GNAS-AS1: variants seen among roughly 807,000 people sequenced by gnomAD.
GNAS-AS1 encodes the protein GNAS antisense RNA 1 (non-protein coding).
At chr20:58,831,306 G>A (rs545503502) in intron 4 of GNAS-AS1, among the ~76,000 whole-genome samples, 3 of 152,004 alleles carry the variant, frequency 2.0e-5, no homozygotes, top group South Asian at 4.2e-4. Context: ...CACTCACATC[G>A]GGTTGCCAGC....
At chr20:58,847,114 A>G (rs1016403890) in intron 2 of GNAS-AS1, among the ~76,000 whole-genome samples, 1 of 152,230 alleles carries the variant, frequency 6.6e-6, no homozygotes, top group African/African-American at 2.4e-5. Context: ...CTTGGCTGAA[A>G]CAGAATTTGG....
intron 4 of GNAS-AS1, among the ~76,000 whole-genome samples, chr20:58,836,077 G>T (rs1314478557): frequency 6.6e-6 from 1 of 152,128 alleles, no homozygotes; most frequent in African/African-American, 2.4e-5. Context: ...GGGCGGGGGG[G>T]AGGATCGTGT....
intron 4 of GNAS-AS1, among the ~76,000 whole-genome samples, chr20:58,837,236 G>A (rs143322885): frequency 7.0e-4 from 107 of 152,282 alleles, no homozygotes; most frequent in African/African-American, 2.5e-3. Flanking sequence ...TGTCGATGGA[G>A]CTGTGCTAAT....
chr20:58,841,577 C>T lies in GNAS-AS1; in HGVS notation n.819+360G>A. ...GCCACAGCCCGCCTCCCGTCGCTCG[C>T]GGGACAGAGACCGCCTCAAAGAGCG... On this transcript the variant is annotated intron_variant and non_coding_transcript_variant, in intron 4 of 4. Coordinates refer to ENST00000424094, the Ensembl canonical transcript of GNAS-AS1. This position sits in a 1 kb window ranked among gnomAD's most constrained non-coding sequence, Gnocchi z 5.0. The T allele has an allele frequency of 9.9e-7, 1 of 1,006,784 alleles. No individual in the cohort carries two copies. The highest frequency in any genetic ancestry group is 1.2e-6 in the Non-Finnish European group (1 of 844,594). The allele number at this position is 1,006,784 out of a possible 1,614,324, so 62.4% of individuals were successfully genotyped here.
At chr20:58,845,578 A>G (rs1052699967) in intron 2 of GNAS-AS1, among the ~76,000 whole-genome samples, 27 of 152,158 alleles carry the variant, frequency 1.8e-4, no homozygotes, top group African/African-American at 5.8e-4. Flanking sequence ...TAAGTGATGT[A>G]GCACCCATTT....
At chr20:58,846,388 A>G (rs1033132271) in intron 2 of GNAS-AS1, among the ~76,000 whole-genome samples, 8 of 152,220 alleles carry the variant, frequency 5.3e-5, no homozygotes, top group African/African-American at 9.6e-5. Context: ...AGGGCTACCA[A>G]TGAGGCTCAC....
intron 4 of GNAS-AS1, among the ~76,000 whole-genome samples, chr20:58,824,627 A>G (rs190123485): frequency 6.6e-6 from 1 of 152,340 alleles, no homozygotes; most frequent in Non-Finnish European, 1.5e-5. Flanking sequence ...GACCCTATGC[A>G]GCCCAACCCG....
chr20:58,848,846 AT>A, intron 2 of GNAS-AS1: 2 of 398,552 alleles, frequency 5.0e-6, no homozygotes, highest in Non-Finnish European at 8.8e-6. Context: ...CCCTGACCCC[AT>A]TACTGATGTT....
chr20:58,840,831 T>A lies in GNAS-AS1; in HGVS notation n.819+1106A>T. On this transcript the variant is annotated intron_variant and non_coding_transcript_variant, in intron 4 of 4. Transcript: ENST00000424094. This position sits in a 1 kb window ranked among gnomAD's most constrained non-coding sequence, Gnocchi z 6.0. ...CCTTCCAAAAAGGGACCCATCCCCA[T>A]CCGGCGTCACTAATGGAGGACGCCG... 6.2e-7 allele frequency: 1 copy of A among 1,612,794 alleles called. No individual in the cohort carries two copies. The highest frequency in any genetic ancestry group is 8.5e-7 in the Non-Finnish European group (1 of 1,179,912).
chr20:58,832,567 A>G (rs2085574246), intron 4 of GNAS-AS1, among the ~76,000 whole-genome samples: 1 of 152,252 alleles, frequency 6.6e-6, no homozygotes, highest in Non-Finnish European at 1.5e-5. Context: ...GTCTAAAATC[A>G]TCATTATTAA....
At position 58,830,437 on chromosome 20, in the gene GNAS-AS1, T is replaced by TCAC. The variant is rs1568900292; in HGVS notation, n.820-11183_820-11182insGTG. ...CATCACCACCACCGCCACACCACCA[T>TCAC]CATTACCACCACCACCATCACCACC... On this transcript the variant is annotated intron_variant and non_coding_transcript_variant, in intron 4 of 4. Coordinates refer to ENST00000424094, the Ensembl canonical transcript of GNAS-AS1. 1.1e-3 allele frequency among the ~76,000 whole-genome samples: 57 copies of TCAC among 53,354 alleles called. 1 individual carries two copies. Among genetic ancestry groups the TCAC allele is most frequent in the African/African-American group, 3.2e-3 (42 of 13,058 alleles). The allele number at this position is 53,354 out of a possible 152,430, so 35.0% of individuals were successfully genotyped here.
intron 4 of GNAS-AS1, among the ~76,000 whole-genome samples, chr20:58,833,223 G>A (rs150699554): frequency 1.3e-5 from 2 of 152,288 alleles, no homozygotes; most frequent in East Asian, 1.9e-4. Flanking sequence ...TTGGAAAACC[G>A]GAAAGTCTTC....
At chr20:58,829,116 G>A (rs1340783210) in intron 4 of GNAS-AS1, among the ~76,000 whole-genome samples, 2 of 152,110 alleles carry the variant, frequency 1.3e-5, no homozygotes, top group Admixed American at 6.5e-5. Flanking sequence ...CCTCACACCT[G>A]GGCCTCTTTC....
At chr20:58,827,533 C>G (rs2085529127) in intron 4 of GNAS-AS1, among the ~76,000 whole-genome samples, 1 of 152,210 alleles carries the variant, frequency 6.6e-6, no homozygotes, top group African/African-American at 2.4e-5. Context: ...ACGACATGGT[C>G]AGCAGTGCAG....
At position 58,840,850 on chromosome 20, in the gene GNAS-AS1, G is replaced by C. The variant is rs201650638; in HGVS notation, n.819+1087C>G. 402 of 1,612,878 alleles carry C rather than the reference G, an allele frequency of 2.5e-4. 1 individual carries two copies. Among genetic ancestry groups the C allele is most frequent in the Non-Finnish European group, 2.3e-5 (27 of 1,179,978 alleles). On this transcript the variant is annotated intron_variant and non_coding_transcript_variant, in intron 4 of 4. Transcript: ENST00000424094. This position sits in a 1 kb window ranked among gnomAD's most constrained non-coding sequence, Gnocchi z 6.0. ...TCCCCATCCGGCGTCACTAATGGAG[G>C]ACGCCGTCCAGATTCTCCTTGTTTT... is the stretch of plus-strand genomic sequence containing the variant.
chr20:58,840,056 C>G lies in GNAS-AS1; in HGVS notation n.819+1881G>C. 1 of 1,601,400 alleles carries G rather than the reference C, an allele frequency of 6.2e-7. No homozygotes were observed. On this transcript the variant is annotated intron_variant and non_coding_transcript_variant, in intron 4 of 4. Coordinates refer to ENST00000424094, the Ensembl canonical transcript of GNAS-AS1. This position sits in a 1 kb window ranked among gnomAD's most constrained non-coding sequence, Gnocchi z 6.0. ...CAGCAGCCAATGTGCTTCGGAGCCACTCTCTGCAGAGCCAGAGGGCAGGCC... is the reference window on the plus strand; with the variant it reads ...CAGCAGCCAATGTGCTTCGGAGCCAGTCTCTGCAGAGCCAGAGGGCAGGCC...
Position 58,821,838 on chromosome 20 carries a change from C to T in GNAS-AS1, n.820-2583G>A, listed in dbSNP as rs182331139. On this transcript the variant is annotated intron_variant and non_coding_transcript_variant, in intron 4 of 4. Transcript: ENST00000424094. The stretch of plus-strand genomic sequence containing the variant: ...AAGGAGGGAATTCTGAATACGAATA[C>T]GGATTAACTCAGGGGCCGCCTGAGG... 8.5e-5 allele frequency among the ~76,000 whole-genome samples: 13 copies of T among 152,238 alleles called. No homozygotes were observed. The East Asian group carries it at 1.7e-3, about 20-fold the overall frequency.
chr20:58,842,257 C>G, intron 3 of GNAS-AS1: 1 of 398,336 alleles, frequency 2.5e-6, no homozygotes. Flanking sequence ...TTTAAAAAAT[C>G]TCATCCGACT....
At chr20:58,838,187 G>C (rs1251301316) in intron 4 of GNAS-AS1, among the ~76,000 whole-genome samples, 1 of 152,124 alleles carries the variant, frequency 6.6e-6, no homozygotes, top group African/African-American at 2.4e-5. Flanking sequence ...GGCCAAAAAG[G>C]CACCCCATAA....
Sources: gnomAD v4.1 joint callset for allele counts (sites outside exome capture counted in the v4.1 genomes callset) on GRCh38, gnomAD v4.1.1 for gene constraint, Gnocchi (gnomAD v3.1) non-coding constraint, MANE v1.5 for transcripts, NCBI Gene and HGNC (gene_info 2026-07-23, HGNC 2026-07-21) for gene names.